GATA4: variants seen among roughly 807,000 people sequenced by gnomAD.
GATA4 encodes the protein GATA binding protein 4.
In GATA4, 7 loss-of-function variants were observed where a neutral mutation model predicts 37.9. The ratio of observed to expected loss-of-function variants is 0.18; its 90% CI spans 0.11 to 0.35. The LOEUF (loss-of-function observed/expected upper bound fraction) is 0.35. Among genes scored for constraint, GATA4 ranks in the 10% least tolerant of loss-of-function variants. The pLI is 1.00. For missense variants in GATA4, 647 were observed against 653.0 expected, an observed-to-expected ratio of 0.99 and a Z score of 0.10; for synonymous variants, 372 against 292.6, an observed-to-expected ratio of 1.27 and a Z score of -2.77.
chr8:11,738,521 G>T (rs932942576), intron 2 of GATA4, among the ~76,000 whole-genome samples: 1 of 152,098 alleles, frequency 6.6e-6, no homozygotes, highest in African/African-American at 2.4e-5. Context: ...TGCCTTAATT[G>T]AATTAACCAG....
intron 1 of GATA4, among the ~76,000 whole-genome samples, chr8:11,698,164 C>T (rs1799563333): frequency 6.6e-6 from 1 of 152,198 alleles, no homozygotes; most frequent in Non-Finnish European, 1.5e-5. Flanking sequence ...GCCTTAACTT[C>T]CCAGGGTCTG....
rs2130355282 is a variant in GATA4, at chr8:11,758,340, T to G, written c.1197T>G (p.Pro399=). ...AMSGHGPSIH[P]VLSALKLSPQ... ...CTGGCCATGGGCCCTCCATCCACCCTGTCCTCTCGGCCCTGAAGCTCTCCC... is the reference window on the plus strand; with the variant it reads ...CTGGCCATGGGCCCTCCATCCACCCGGTCCTCTCGGCCCTGAAGCTCTCCC... The change falls in exon 7 of 7, where the codon CCT becomes CCG. Residue 399 remains proline (P), a synonymous_variant. Transcript: ENST00000532059. 1 of 1,614,198 alleles carries G rather than the reference T, an allele frequency of 6.2e-7. No homozygotes were observed.
chr8:11,681,343 A>G (rs948306539), intron 1 of GATA4: 32 of 985,176 alleles, frequency 3.2e-5, no homozygotes, highest in Middle Eastern at 5.2e-4. Flanking sequence ...CAACCCATCA[A>G]ATTTCCAGCA....
At chr8:11,744,866 C>G (rs759528764) in intron 2 of GATA4, among the ~76,000 whole-genome samples, 1 of 152,174 alleles carries the variant, frequency 6.6e-6, no homozygotes, top group Non-Finnish European at 1.5e-5. Context: ...GAATTCCACA[C>G]TTTCTGCCCT....
upstream of GATA4, among the ~76,000 whole-genome samples, chr8:11,691,292 C>T (rs192763129): frequency 6.6e-5 from 10 of 152,336 alleles, no homozygotes; most frequent in Admixed American, 3.3e-4. Flanking sequence ...TGAGTTCAGA[C>T]TTAGGATCCT....
chr8:11,718,667 G>C (rs938511073), intron 2 of GATA4, among the ~76,000 whole-genome samples: 1 of 152,122 alleles, frequency 6.6e-6, no homozygotes, highest in Non-Finnish European at 1.5e-5. Flanking sequence ...TCCCCTAATC[G>C]CAAATCCAGT....
At chr8:11,696,197 CAA>C (rs1335306316) in intron 1 of GATA4, among the ~76,000 whole-genome samples, 1 of 152,158 alleles carries the variant, frequency 6.6e-6, no homozygotes, top group African/African-American at 2.4e-5. Context: ...GACATACACA[CAA>C]ATTGTGTGAC....
At chr8:11,683,003 A>T in intron 1 of GATA4, 1 of 918,976 alleles carries the variant, frequency 1.1e-6, no homozygotes, top group Non-Finnish European at 1.3e-6. Flanking sequence ...TTCTGGGAAG[A>T]GTCTTGAGGT....
At chr8:11,745,590 A>C (rs1420564360) in intron 2 of GATA4, among the ~76,000 whole-genome samples, 1 of 152,074 alleles carries the variant, frequency 6.6e-6, no homozygotes, top group Admixed American at 6.6e-5. Context: ...TGTCTCACAA[A>C]AAGTTTTTCT....
chr8:11,738,839 C>T (rs575426674), intron 2 of GATA4, among the ~76,000 whole-genome samples: 27 of 152,310 alleles, frequency 1.8e-4, no homozygotes, highest in African/African-American at 6.5e-4. Flanking sequence ...CTGGGAGGAG[C>T]CTGGAGAGGG....
rs1258473753 is a variant in GATA4, at chr8:11,756,636, A to G, written c.1001-299A>G. The G allele has an allele frequency of 2.7e-5, 13 of 477,538 alleles. No homozygotes were observed. The Admixed American group carries it at 4.3e-4, about 16-fold the overall frequency. 29.6% of individuals were successfully genotyped at this position (477,538 alleles called of 1,614,324 possible). ...CAGGCCCTGCTGGAGGTATTCTGTA[A>G]TAATACACAGTATTTGGATTTTTAA... On this transcript the variant is annotated intron_variant, in intron 5 of 6. Coordinates refer to ENST00000532059, the MANE Select transcript of GATA4 (RefSeq NM_001308093.3).
intron 2 of GATA4, among the ~76,000 whole-genome samples, chr8:11,711,741 C>A (rs1800191564): frequency 8.0e-6 from 1 of 124,458 alleles, no homozygotes; most frequent in South Asian, 3.3e-4. Flanking sequence ...GAGTGAGACC[C>A]TCTCTCAAAA....
intron 5 of GATA4, 44 bp downstream of exon 5, chr8:11,755,177 C>T (rs376796753): frequency 6.6e-7 from 1 of 1,504,836 alleles, no homozygotes; most frequent in Admixed American, 1.7e-5. Flanking sequence ...ACATCAGGAG[C>T]CCTCAGAGTG....
intron 1 of GATA4, chr8:11,706,037 A>C (rs1025913492): frequency 6.6e-6 from 1 of 152,226 alleles, no homozygotes; most frequent in African/African-American, 2.4e-5. Flanking sequence ...TATTAAGGTA[A>C]ACCCATAATT....
At chr8:11,713,440 G>A (rs183302766) in intron 2 of GATA4, among the ~76,000 whole-genome samples, 40 of 152,180 alleles carry the variant, frequency 2.6e-4, no homozygotes, top group African/African-American at 9.4e-4. Flanking sequence ...TGCCCTGCCT[G>A]GGTCCAACCA....
intron 4 of GATA4, among the ~76,000 whole-genome samples, chr8:11,754,214 G>C (rs7826055): frequency 0.28 from 42,505 of 152,106 alleles, 6,154 homozygotes; most frequent in Middle Eastern, 0.4. Context: ...TGATAGCACC[G>C]CTGCACCCTC....
chr8:11,680,807 C>T (rs946718929), intron 1 of GATA4: 6 of 985,388 alleles, frequency 6.1e-6, no homozygotes, highest in Middle Eastern at 1.0e-3. Context: ...CCTGCTCACC[C>T]CGACGCCTCG....
At chr8:11,702,331 G>A (rs1003368525), upstream of GATA4, among the ~76,000 whole-genome samples, 1 of 152,030 alleles carries the variant, frequency 6.6e-6, no homozygotes, top group Non-Finnish European at 1.5e-5. This position sits in a 1 kb window ranked among gnomAD's most constrained non-coding sequence, Gnocchi z 4.4. Flanking sequence ...GAGACCCCGG[G>A]TAGCGCTGGA....
intron 1 of GATA4, chr8:11,681,010 A>T (rs1798951743): frequency 1.1e-6 from 1 of 942,448 alleles, no homozygotes; most frequent in African/African-American, 1.8e-5. Context: ...GCACCCCCGA[A>T]TCCCATACCC....
Sources: gnomAD v4.1 joint callset for allele counts (sites outside exome capture counted in the v4.1 genomes callset) on GRCh38, gnomAD v4.1.1 for gene constraint, Gnocchi (gnomAD v3.1) non-coding constraint, MANE v1.5 for transcripts, NCBI Gene and HGNC (gene_info 2026-07-23, HGNC 2026-07-21) for gene names.